The following SEPTIN7 variants were observed in gnomAD, a reference collection of about 807,000 sequenced individuals.
SEPTIN7 encodes septin 7.
A neutral mutation model predicts 63.3 loss-of-function variants in SEPTIN7; 10 were observed. That is an observed-to-expected ratio of 0.16 (90% CI 0.10 to 0.27). SEPTIN7 has a LOEUF of 0.27. Ranked by LOEUF, SEPTIN7 falls within the 10% of genes least tolerant of loss-of-function variation. SEPTIN7 has a pLI of 1.00. For synonymous variants in SEPTIN7, 131 were observed against 165.3 expected (o/e 0.79, Z 1.59); for missense variants, 310 against 521.0 (o/e 0.59, Z 3.94).
In SEPTIN7 at chr7:35,890,735, C is replaced by A; in HGVS notation, c.940C>A (p.Leu314Ile). The change falls in exon 11 of 14, where the codon CTT becomes ATT. Residue 314 changes from leucine (L) to isoleucine (I), a missense_variant. Physicochemically the swap from Leu to Ile is conservative, Grantham distance 5. Around this residue, in one of 2 missense-constraint regions of SEPTIN7, gnomAD observed 255 missense variants for 490.5 expected, o/e 0.52. Transcript: ENST00000350320. ...CTATGAGAACTACAGAAGCAGAAAA[C>A]TTGCAGCTGTGACTTATAATGGAGT... is the stretch of plus-strand genomic sequence containing the variant. ...VHYENYRSRK[L>I]AAVTYNGVDN... 6.3e-7 allele frequency: 1 copy of A among 1,599,746 alleles called. No individual in the cohort carries two copies. The highest frequency in any genetic ancestry group is 8.5e-7 in the Non-Finnish European group (1 of 1,174,930).
At chr7:35,903,048 T>C in intron 12 of SEPTIN7, 28 bp from the exon 13 acceptor site, 2 of 1,523,324 alleles carry the variant, frequency 1.3e-6, no homozygotes, top group Non-Finnish European at 1.8e-6. Flanking sequence ...TTAAATAGTT[T>C]TGTTTTATAT....
chr7:35,890,687 A>G lies in SEPTIN7; in HGVS notation c.892A>G (p.Lys298Glu), dbSNP rs747316599. Residue 298 changes from lysine to glutamate, a missense_variant, in exon 11 of 14, where the codon AAA (lysine) becomes GAA (glutamate). Around this residue, in one of 2 missense-constraint regions of SEPTIN7, gnomAD observed 255 missense variants for 490.5 expected, o/e 0.52. Transcript: ENST00000350320. ...TGACAGAACACACATGCAGGACTTG[A>G]AAGATGTTACTAATAATGTCCACTA... ...MLIRTHMQDL[K>E]DVTNNVHYEN... 1.9e-6 allele frequency: 3 copies of G among 1,578,740 alleles called. No individual in the cohort carries two copies. The highest frequency in any genetic ancestry group is 3.6e-5 in the Admixed American group (2 of 55,182).
At chr7:35,834,751 T>G (rs866460045) in intron 3 of SEPTIN7, among the ~76,000 whole-genome samples, 33 of 152,286 alleles carry the variant, frequency 2.2e-4, no homozygotes, top group Middle Eastern at 6.8e-3. Context: ...TGTTGATTTA[T>G]TTTTCAGATT....
chr7:35,839,024 T>G (rs1284067790), intron 3 of SEPTIN7, among the ~76,000 whole-genome samples: 1 of 152,198 alleles, frequency 6.6e-6, no homozygotes, highest in South Asian at 2.1e-4. Flanking sequence ...ATTATGTTGT[T>G]GATTTATGTA....
At chr7:35,902,865 A>G in intron 12 of SEPTIN7, 1 of 572,566 alleles carries the variant, frequency 1.7e-6, no homozygotes, top group Non-Finnish European at 2.6e-6. Flanking sequence ...CTGTTTCCCA[A>G]GATTATTGTC....
intron 1 of SEPTIN7, among the ~76,000 whole-genome samples, chr7:35,810,860 T>G (rs1208938788): frequency 1.3e-5 from 2 of 150,524 alleles, no homozygotes; most frequent in Non-Finnish European, 3.0e-5. Context: ...TCCACCTCCC[T>G]GGTTCAAGCA....
chr7:35,914,220 A>G, the SEPTIN7 span, among the ~76,000 whole-genome samples: 2 of 152,236 alleles, frequency 1.3e-5, no homozygotes, highest in Non-Finnish European at 2.9e-5. Context: ...CACAAAATAT[A>G]GCATATTTTA....
chr7:35,877,682 T>G (rs1287778949), intron 6 of SEPTIN7, among the ~76,000 whole-genome samples: 1 of 152,220 alleles, frequency 6.6e-6, no homozygotes, highest in Non-Finnish European at 1.5e-5. Flanking sequence ...TTTGAGGACT[T>G]CGGTTCTCAT....
At chr7:35,857,140 A>G (rs536900152) in intron 3 of SEPTIN7, among the ~76,000 whole-genome samples, 1 of 152,320 alleles carries the variant, frequency 6.6e-6, no homozygotes, top group South Asian at 2.1e-4. Context: ...AGGAAATTGA[A>G]CACTTATCAA....
the SEPTIN7 span, among the ~76,000 whole-genome samples, chr7:35,913,770 T>C: frequency 6.6e-6 from 1 of 152,188 alleles, no homozygotes; most frequent in African/African-American, 2.4e-5. Context: ...TTGTATTTTT[T>C]GTAGTAACAG....
At position 35,827,480 on chromosome 7, in the gene SEPTIN7, C is replaced by T. The variant is rs897062250; in HGVS notation, c.62-4012C>T. On this transcript the variant is annotated intron_variant, in intron 1 of 13. Coordinates refer to ENST00000350320, the MANE Select transcript of SEPTIN7 (RefSeq NM_001788.6). ...ATATGACAAGTCTATATGTTTTAATCGACCAGTATTAAATTTTTTATTTTT... is the reference window on the plus strand; with the variant it reads ...ATATGACAAGTCTATATGTTTTAATTGACCAGTATTAAATTTTTTATTTTT... 8.5e-5 allele frequency among the ~76,000 whole-genome samples: 13 copies of T among 152,082 alleles called. No homozygotes were observed. In the East Asian group the frequency reaches 1.9e-3, roughly 23 times the overall value.
intron 12 of SEPTIN7, chr7:35,900,871 C>T (rs1271764022): frequency 6.6e-6 from 1 of 152,076 alleles, no homozygotes; most frequent in African/African-American, 2.4e-5. Flanking sequence ...AGGTTCCCAC[C>T]AGATACTCTA....
At chr7:35,826,317 T>G (rs1198641881) in intron 1 of SEPTIN7, among the ~76,000 whole-genome samples, 1 of 151,360 alleles carries the variant, frequency 6.6e-6, no homozygotes, top group Non-Finnish European at 1.5e-5. Flanking sequence ...TGGTTGTTTT[T>G]CATATTTAGA....
At chr7:35,907,494 C>T (rs1354820577), downstream of SEPTIN7, among the ~76,000 whole-genome samples, 1 of 151,812 alleles carries the variant, frequency 6.6e-6, no homozygotes, top group East Asian at 1.9e-4. Context: ...CATCTTAAAC[C>T]CTGTTTCCTC....
chr7:35,843,296 C>T (rs1583548792), intron 3 of SEPTIN7, among the ~76,000 whole-genome samples: 1 of 152,236 alleles, frequency 6.6e-6, no homozygotes, highest in African/African-American at 2.4e-5. Context: ...ATGTGGATGC[C>T]CCCTCATCCT....
intron 1 of SEPTIN7, among the ~76,000 whole-genome samples, chr7:35,816,342 G>T (rs1789062466): frequency 6.6e-6 from 1 of 152,112 alleles, no homozygotes; most frequent in Admixed American, 6.6e-5. Flanking sequence ...GTGACTTTTT[G>T]TGATGGGCAT....
chr7:35,889,759 G>T (rs563925011), intron 10 of SEPTIN7, among the ~76,000 whole-genome samples: 3 of 152,288 alleles, frequency 2.0e-5, no homozygotes, highest in African/African-American at 4.8e-5. Flanking sequence ...GGCCAGGCTG[G>T]TCTCGAACCC....
At chr7:35,872,605 C>T (rs185785942) in intron 4 of SEPTIN7, 61 bp from the exon 5 acceptor site, 2 of 1,273,346 alleles carry the variant, frequency 1.6e-6, no homozygotes, top group East Asian at 4.7e-5. Context: ...TACCATCACC[C>T]CTTGTAGGAA....
At chr7:35,816,240 T>TTC (rs1789053221) in intron 1 of SEPTIN7, among the ~76,000 whole-genome samples, 1 of 152,180 alleles carries the variant, frequency 6.6e-6, no homozygotes, top group African/African-American at 2.4e-5. Flanking sequence ...TCCCCATCCC[T>TTC]TCTCTTCCCT....
Sources: gnomAD v4.1 joint callset for allele counts (sites outside exome capture counted in the v4.1 genomes callset) on GRCh38, gnomAD v4.1.1 for gene constraint, gnomAD v4.1.1 regional missense constraint, MANE v1.5 for transcripts, NCBI Gene and HGNC (gene_info 2026-07-23, HGNC 2026-07-21) for gene names.